The following ABI3BP variants were observed in gnomAD, a reference collection of about 807,000 sequenced individuals.
The protein encoded by ABI3BP is target of Nesh-SH3.
In ABI3BP, 216 loss-of-function variants were observed where a neutral mutation model predicts 268.6. The ratio of observed to expected loss-of-function variants is 0.80; its 90% CI spans 0.72 to 0.90. The LOEUF (loss-of-function observed/expected upper bound fraction) is 0.90, where lower values mean the gene tolerates loss of function less well. Among genes scored for constraint, ABI3BP ranks in the 40% least tolerant of loss-of-function variants. ABI3BP has a pLI of 0.00. For synonymous variants in ABI3BP, 730 were observed against 730.0 expected (o/e 1.00, Z 0.00); for missense variants, 2,090 against 2,182.4 (o/e 0.96, Z 0.84).
chr3:100,775,737 G>A (rs1212523628), intron 59 of ABI3BP, among the ~76,000 whole-genome samples: 1 of 152,124 alleles, frequency 6.6e-6, no homozygotes, highest in African/African-American at 2.4e-5. Flanking sequence ...AACATGTCAG[G>A]GAAGCATGCA....
intron 9 of ABI3BP, among the ~76,000 whole-genome samples, chr3:100,868,861 T>A (rs532187188): frequency 6.6e-6 from 1 of 152,106 alleles, no homozygotes; most frequent in East Asian, 1.9e-4. Flanking sequence ...TTTATCAGTT[T>A]TTTTTCTGAC....
At chr3:100,883,055 G>A (rs929176273) in intron 6 of ABI3BP, among the ~76,000 whole-genome samples, 1 of 152,122 alleles carries the variant, frequency 6.6e-6, no homozygotes, top group African/African-American at 2.4e-5. Flanking sequence ...GGAACTTAGG[G>A]AGAGGCACAA....
chr3:100,832,212 C>T lies in ABI3BP; in HGVS notation c.2401+52G>A, dbSNP rs1371082462. 2.0e-6 allele frequency: 3 copies of T among 1,485,398 alleles called. No individual in the cohort carries two copies. The African/African-American group carries it at 4.2e-5, about 21-fold the overall frequency. 92.0% of individuals were successfully genotyped at this position (1,485,398 alleles called of 1,614,324 possible). On this transcript the variant is annotated intron_variant, in intron 31 of 67. Transcript: ENST00000471714. ...ATTATATGTACATAGAACTTACAGT[C>T]CCAACCGTGGTAGACTGCTTGGATT...
intron 29 of ABI3BP, 73 bp downstream of exon 29, chr3:100,834,611 G>T: frequency 7.3e-7 from 1 of 1,378,972 alleles, no homozygotes; most frequent in Non-Finnish European, 1.0e-6. Flanking sequence ...GTTATAAAGT[G>T]GCATGTTAAA....
chr3:100,814,040 A>G (rs918389154), intron 44 of ABI3BP, among the ~76,000 whole-genome samples: 1 of 152,278 alleles, frequency 6.6e-6, no homozygotes, highest in East Asian at 1.9e-4. Flanking sequence ...TAGCCATAGA[A>G]TGAACTAAAA....
intron 1 of ABI3BP, among the ~76,000 whole-genome samples, chr3:100,937,267 A>C (rs1383563964): frequency 6.6e-6 from 1 of 152,162 alleles, no homozygotes; most frequent in Admixed American, 6.6e-5. Flanking sequence ...AAATGGTCTA[A>C]CCACTTGGGA....
chr3:100,909,161 G>T (rs1335929081), intron 2 of ABI3BP, among the ~76,000 whole-genome samples: 1 of 152,142 alleles, frequency 6.6e-6, no homozygotes, highest in African/African-American at 2.4e-5. Flanking sequence ...AATGGAGAAA[G>T]GATTCACTAC....
rs947134856 is a variant in ABI3BP, at chr3:100,780,286, T to C, written c.4163-77A>G. The C allele has an allele frequency of 5.1e-6, 7 of 1,359,306 alleles. No homozygotes were observed. The Admixed American group carries it at 1.1e-4, about 21-fold the overall frequency. The allele number at this position is 1,359,306 out of a possible 1,614,324, so 84.2% of individuals were successfully genotyped here. A position where few individuals can be genotyped will look rare whatever the true frequency, so the allele number is the denominator to read the frequency against. On this transcript the variant is annotated intron_variant, in intron 57 of 67. Coordinates refer to ENST00000471714, the MANE Select transcript of ABI3BP (RefSeq NM_001375547.2). ...GGAAACTTGGTAGAGTTGCCAGTAA[T>C]AACGTACATTCTTTGCAGAGCAGGA...
chr3:100,751,454 T>C, intron 67 of ABI3BP, 98 bp downstream of exon 67: 27 of 1,304,030 alleles, frequency 2.1e-5, no homozygotes, highest in Non-Finnish European at 2.7e-5. Flanking sequence ...GCAGTAGTAC[T>C]ATAGAATTCT....
At chr3:100,935,358 C>T (rs746658723) in intron 1 of ABI3BP, among the ~76,000 whole-genome samples, 4 of 152,072 alleles carry the variant, frequency 2.6e-5, no homozygotes, top group African/African-American at 9.7e-5. Flanking sequence ...GGTACAAGTA[C>T]CATGATGTTT....
Position 100,840,056 on chromosome 3 carries a change from T to C in ABI3BP, c.1897+16A>G. On this transcript the variant is annotated intron_variant, in intron 23 of 67. Coordinates refer to ENST00000471714, the MANE Select transcript of ABI3BP (RefSeq NM_001375547.2). ...TCCACTTTCTATGTTAATTGGAACC[T>C]GAATATCACATTTACCGGGTTTGGA... The C allele has an allele frequency of 1.3e-6, 2 of 1,528,780 alleles. No individual in the cohort carries two copies. Among genetic ancestry groups the C allele is most frequent in the Non-Finnish European group, 1.8e-6 (2 of 1,142,090 alleles). 94.7% of individuals were successfully genotyped at this position (1,528,780 alleles called of 1,614,324 possible).
chr3:100,913,462 T>C (rs1233377221), intron 2 of ABI3BP, among the ~76,000 whole-genome samples: 1 of 152,178 alleles, frequency 6.6e-6, no homozygotes, highest in Non-Finnish European at 1.5e-5. Context: ...TAACATTCTT[T>C]CAGGAAGGAT....
At chr3:100,863,116 A>G (rs2099015285) in intron 12 of ABI3BP, 1 of 538,456 alleles carries the variant, frequency 1.9e-6, no homozygotes, top group Admixed American at 3.3e-5. Context: ...GACTAAATTT[A>G]AGCTACTGTA....
At position 100,876,545 on chromosome 3, in the gene ABI3BP, T is replaced by C. The variant is rs780913898; in HGVS notation, c.712A>G (p.Arg238Gly). 59 of 1,613,526 alleles carry C rather than the reference T, an allele frequency of 3.7e-5. No homozygotes were observed. Among genetic ancestry groups the C allele is most frequent in the Non-Finnish European group, 4.5e-5 (53 of 1,179,670 alleles). The change falls in exon 7 of 68, where the codon AGG (arginine) becomes GGG (glycine). Residue 238 changes from arginine to glycine, a missense_variant. Arg to Gly is a moderately radical substitution (Grantham distance 125). Coordinates refer to ENST00000471714, the MANE Select transcript of ABI3BP (RefSeq NM_001375547.2). The stretch of plus-strand genomic sequence containing the variant: ...ATGATTGTTATTGGGATTAGTTTCC[T>C]TGGGACATATGCTGGCTGCAAAGAG... Reference protein sequence around the residue: ...QDHTVPAYVPRKLIPITIIKQ... With the variant: ...QDHTVPAYVPGKLIPITIIKQ...
chr3:100,791,903 A>G (rs1577861806), intron 55 of ABI3BP, among the ~76,000 whole-genome samples: 1 of 151,904 alleles, frequency 6.6e-6, no homozygotes, highest in Admixed American at 6.6e-5. Context: ...TTTCCCCCTC[A>G]AATTAGAACT....
rs2056516825 is a variant in ABI3BP, at chr3:100,911,595, G to A, written c.260-8909C>T. Reference sequence around the variant, plus strand: ...TGATCCATCTTCTTCAAAAAATTTAGAGCTGTGTGTTTTTACTGCTTGGCT... The same window carrying A: ...TGATCCATCTTCTTCAAAAAATTTAAAGCTGTGTGTTTTTACTGCTTGGCT... On this transcript the variant is annotated intron_variant, in intron 2 of 67. Transcript: ENST00000471714. 4.5e-6 allele frequency: 3 copies of A among 671,120 alleles called. No individual in the cohort carries two copies. The South Asian group carries it at 5.2e-5, about 12-fold the overall frequency. The allele number at this position is 671,120 out of a possible 1,614,324, so 41.6% of individuals were successfully genotyped here. A position where few individuals can be genotyped will look rare whatever the true frequency, so the allele number is the denominator to read the frequency against.
At chr3:100,751,468 TA>T in intron 67 of ABI3BP, 83 bp downstream of exon 67, 1 of 1,373,434 alleles carries the variant, frequency 7.3e-7, no homozygotes, top group Non-Finnish European at 9.5e-7. Context: ...GAATTCTTTT[TA>T]AATTGCTTGC....
intron 1 of ABI3BP, among the ~76,000 whole-genome samples, chr3:100,955,646 A>G (rs2076570515): frequency 6.6e-6 from 1 of 152,222 alleles, no homozygotes; most frequent in African/African-American, 2.4e-5. Context: ...ACAATACTTT[A>G]CACGTGGAAT....
chr3:100,783,741 T>C (rs1166143025), intron 57 of ABI3BP, among the ~76,000 whole-genome samples: 3 of 152,234 alleles, frequency 2.0e-5, no homozygotes, highest in Non-Finnish European at 4.4e-5. Context: ...ACTGTATAAG[T>C]ACCTTTGTAC....
Sources: gnomAD v4.1 joint callset for allele counts (sites outside exome capture counted in the v4.1 genomes callset) on GRCh38, gnomAD v4.1.1 for gene constraint, MANE v1.5 for transcripts, NCBI Gene and HGNC (gene_info 2026-07-23, HGNC 2026-07-21) for gene names.